KPNA3: variants seen among roughly 807,000 people sequenced by gnomAD.
The protein encoded by KPNA3 is karyopherin subunit alpha 3.
Under a neutral mutation model 73.8 loss-of-function variants are expected in KPNA3, and 13 were observed. The observed-to-expected ratio is 0.18, with a 90% confidence interval of 0.11 to 0.28. KPNA3 has a LOEUF of 0.28. KPNA3 is among the 10% of genes least tolerant of loss of function. The probability of loss-of-function intolerance (pLI) is 1.00; values close to 1 mark genes in which losing one functional copy is unlikely to be tolerated. For synonymous variants in KPNA3, 186 were observed against 206.9 expected (o/e 0.90, Z 0.87); for missense variants, 360 against 618.1 (o/e 0.58, Z 4.43).
chr13:49,762,142 C>T (rs796591565), intron 1 of KPNA3, among the ~76,000 whole-genome samples: 7 of 117,576 alleles, frequency 6.0e-5, no homozygotes, highest in East Asian at 1.1e-3. Context: ...CCTCCCCGTC[C>T]GGGAGGGAGG....
intron 2 of KPNA3, among the ~76,000 whole-genome samples, chr13:49,746,419 A>G (rs1049815835): frequency 5.9e-5 from 9 of 152,180 alleles, no homozygotes; most frequent in African/African-American, 2.2e-4. Context: ...TCAAGGCTGC[A>G]GTGAGCCAAG....
At chr13:49,726,896 T>C (rs1215970652) in intron 6 of KPNA3, among the ~76,000 whole-genome samples, 1 of 151,982 alleles carries the variant, frequency 6.6e-6, no homozygotes, top group East Asian at 1.9e-4. Flanking sequence ...GAGGATTCAA[T>C]GAGCTGTGAT....
At chr13:49,749,531 C>T (rs1167843891) in intron 1 of KPNA3, among the ~76,000 whole-genome samples, 1 of 152,090 alleles carries the variant, frequency 6.6e-6, no homozygotes, top group African/African-American at 2.4e-5. Flanking sequence ...GTGTTCCATC[C>T]CTTCTTAGAG....
intron 6 of KPNA3, among the ~76,000 whole-genome samples, chr13:49,731,247 G>C (rs571994389): frequency 7.9e-6 from 1 of 126,114 alleles, no homozygotes; most frequent in Non-Finnish European, 1.6e-5. Flanking sequence ...GCTAATTTTC[G>C]TGTTTTTTTT....
chr13:49,787,449 T>C (rs1954992489), intron 1 of KPNA3, among the ~76,000 whole-genome samples: 1 of 152,224 alleles, frequency 6.6e-6, no homozygotes, highest in African/African-American at 2.4e-5. Context: ...TGTCAAGTCT[T>C]AGACTCCCTT....
At chr13:49,703,201 T>TTG (rs1344850188) in intron 15 of KPNA3, among the ~76,000 whole-genome samples, 1 of 144,998 alleles carries the variant, frequency 6.9e-6, no homozygotes, top group Non-Finnish European at 1.5e-5. Context: ...TTTTTTTTTT[T>TTG]GAGACGGAGT....
At chr13:49,756,519 T>C (rs1046626888) in intron 1 of KPNA3, among the ~76,000 whole-genome samples, 2 of 152,192 alleles carry the variant, frequency 1.3e-5, no homozygotes, top group African/African-American at 4.8e-5. Flanking sequence ...ATTACACCAC[T>C]GCACTCCAGC....
intron 7 of KPNA3, among the ~76,000 whole-genome samples, chr13:49,724,531 T>C (rs889188947): frequency 6.6e-6 from 1 of 152,048 alleles, no homozygotes; most frequent in African/African-American, 2.4e-5. Context: ...ATGGTCTTGA[T>C]CTCCTGACCT....
In KPNA3 at chr13:49,701,618, C is replaced by T; in HGVS notation, c.*182G>A. On this transcript the variant is annotated 3_prime_UTR_variant, in exon 17 of 17. Transcript: ENST00000261667. ...TTAGGAAATCATGCATATGCATTTA[C>T]AGTCCATGTGATAGTGACTTTTGGC... 3 of 738,444 alleles carry T rather than the reference C, an allele frequency of 4.1e-6. No homozygotes were observed. Among genetic ancestry groups the T allele is most frequent in the East Asian group, 2.6e-5 (1 of 38,996 alleles). The allele number at this position is 738,444 out of a possible 1,614,324, so 45.7% of individuals were successfully genotyped here. A position where few individuals can be genotyped will look rare whatever the true frequency, so the allele number is the denominator to read the frequency against.
intron 6 of KPNA3, among the ~76,000 whole-genome samples, chr13:49,728,373 T>A (rs1365510804): frequency 6.6e-6 from 1 of 151,948 alleles, no homozygotes. Flanking sequence ...GCAGAAACAA[T>A]AACCAATACC....
intron 1 of KPNA3, among the ~76,000 whole-genome samples, chr13:49,782,686 T>G: frequency 6.6e-6 from 1 of 151,948 alleles, no homozygotes; most frequent in Non-Finnish European, 1.5e-5. Flanking sequence ...TGAGACCAGC[T>G]TGGACAACAC....
chr13:49,703,979 T>C (rs1279219904), intron 15 of KPNA3, among the ~76,000 whole-genome samples: 3 of 151,180 alleles, frequency 2.0e-5, no homozygotes, highest in Admixed American at 6.6e-5. Flanking sequence ...ATTCTCTAAG[T>C]TGCTCAAACT....
Position 49,722,038 on chromosome 13 carries a change from T to C in KPNA3, c.643A>G (p.Thr215Ala), listed in dbSNP as rs1368209197. Residue 215 changes from threonine (T) to alanine (A), a missense_variant, in exon 9 of 17, where the codon ACC (threonine) becomes GCC (alanine). Physicochemically the swap from Thr to Ala is moderately conservative, Grantham distance 58 (BLOSUM62 0). Coordinates refer to ENST00000261667, the MANE Select transcript of KPNA3 (RefSeq NM_002267.4). ...ACCCATGTGACGTTCCGAAGGAAGGTGATGGGGATGGAGGGACTGATGAAG... is the reference window on the plus strand; with the variant it reads ...ACCCATGTGACGTTCCGAAGGAAGGCGATGGGGATGGAGGGACTGATGAAG... ...LSFISPSIPI[T>A]FLRNVTWVIV... 1 of 1,611,620 alleles carries C rather than the reference T, an allele frequency of 6.2e-7. No homozygotes were observed. The highest frequency in any genetic ancestry group is 8.5e-7 in the Non-Finnish European group (1 of 1,178,468).
intron 2 of KPNA3, among the ~76,000 whole-genome samples, chr13:49,734,019 T>C (rs897143605): frequency 6.6e-5 from 10 of 152,244 alleles, no homozygotes; most frequent in Non-Finnish European, 1.5e-4. Context: ...TTAAGCTACA[T>C]AGTTTGGAGT....
chr13:49,729,140 A>G (rs1161458886), intron 6 of KPNA3, among the ~76,000 whole-genome samples: 1 of 152,168 alleles, frequency 6.6e-6, no homozygotes, highest in Non-Finnish European at 1.5e-5. Context: ...TATCTTTCAT[A>G]TATTTTATTG....
chr13:49,732,568 A>AT, intron 5 of KPNA3, 37 bp downstream of exon 5: 1 of 1,532,314 alleles, frequency 6.5e-7, no homozygotes, highest in South Asian at 1.1e-5. Flanking sequence ...CAACTGAGGA[A>AT]TGACATAATT....
Position 49,709,788 on chromosome 13 carries a change from T to C in KPNA3, c.904-88A>G, listed in dbSNP as rs982144571. On this transcript the variant is annotated intron_variant, in intron 11 of 16. Coordinates refer to ENST00000261667, the MANE Select transcript of KPNA3 (RefSeq NM_002267.4). Reference sequence around the variant, plus strand: ...TCATAATCCTGAGAAAAAGTAAAAATGCAAGGCATAAATAACACTTATTTC... The same window carrying C: ...TCATAATCCTGAGAAAAAGTAAAAACGCAAGGCATAAATAACACTTATTTC... 5.6e-6 allele frequency: 7 copies of C among 1,256,044 alleles called. No individual in the cohort carries two copies. The South Asian group carries it at 7.8e-5, about 14-fold the overall frequency. The allele number at this position is 1,256,044 out of a possible 1,614,324, so 77.8% of individuals were successfully genotyped here. A position where few individuals can be genotyped will look rare whatever the true frequency, so the allele number is the denominator to read the frequency against.
intron 1 of KPNA3, among the ~76,000 whole-genome samples, chr13:49,784,200 G>A (rs1279539573): frequency 2.0e-4 from 30 of 151,980 alleles, no homozygotes; most frequent in Admixed American, 2.0e-3. Flanking sequence ...CTCCAGCCCA[G>A]GTAACAGCAA....
At chr13:49,717,927 C>T (rs1566336604) in intron 10 of KPNA3, among the ~76,000 whole-genome samples, 1 of 152,148 alleles carries the variant, frequency 6.6e-6, no homozygotes, top group Non-Finnish European at 1.5e-5. Context: ...TTGGTCACTG[C>T]TCTATCTTAC....
Sources: allele counts gnomAD v4.1 joint callset (sites outside exome capture counted in the v4.1 genomes callset), GRCh38; gene constraint gnomAD v4.1.1; transcripts MANE v1.5; gene names NCBI Gene and HGNC (gene_info 2026-07-23, HGNC 2026-07-21).